Variants in UBE3D observed in about 807,000 individuals in gnomAD.
UBE3D encodes the protein ubiquitin protein ligase E3D.
Under a neutral mutation model 49.6 loss-of-function variants are expected in UBE3D, and 48 were observed. The ratio of observed to expected loss-of-function variants is 0.97; its 90% CI spans 0.77 to 1.23. The LOEUF (loss-of-function observed/expected upper bound fraction) is 1.23, where lower values mean the gene tolerates loss of function less well. UBE3D is among the 50% of genes most tolerant of loss of function. UBE3D has a pLI of 0.00. For missense variants in UBE3D, 452 were observed against 468.4 expected (o/e 0.96, Z 0.32); for synonymous variants, 189 against 174.2 (o/e 1.08, Z -0.67).
chr6:82,991,363 G>C (rs1778871356), intron 8 of UBE3D, among the ~76,000 whole-genome samples: 1 of 152,080 alleles, frequency 6.6e-6, no homozygotes, highest in Non-Finnish European at 1.5e-5. Context: ...CAAGAAGGTG[G>C]TATTATGTTT....
intron 9 of UBE3D, among the ~76,000 whole-genome samples, chr6:82,919,818 G>T (rs1481521302): frequency 6.6e-6 from 1 of 151,930 alleles, no homozygotes; most frequent in Non-Finnish European, 1.5e-5. Context: ...TATTTTCCTG[G>T]ACTGATGGAC....
chr6:82,899,505 T>C (rs2127715697), intron 9 of UBE3D, among the ~76,000 whole-genome samples: 1 of 152,350 alleles, frequency 6.6e-6, no homozygotes, highest in African/African-American at 2.4e-5. Flanking sequence ...ATTTAAAAAG[T>C]TAGGCTGAGC....
chr6:83,011,872 C>A (rs1780360163), intron 8 of UBE3D, among the ~76,000 whole-genome samples: 2 of 152,062 alleles, frequency 1.3e-5, no homozygotes, highest in Non-Finnish European at 2.9e-5. Context: ...CACTTCCACC[C>A]CTCAATTCCT....
At chr6:83,029,028 T>C (rs1469119406) in intron 5 of UBE3D, among the ~76,000 whole-genome samples, 1 of 152,028 alleles carries the variant, frequency 6.6e-6, no homozygotes, top group African/African-American at 2.4e-5. Flanking sequence ...TTTTCTCTTT[T>C]TACTTTAAAG....
intron 8 of UBE3D, among the ~76,000 whole-genome samples, chr6:82,998,998 C>T (rs910436856): frequency 1.3e-5 from 2 of 152,158 alleles, no homozygotes; most frequent in African/African-American, 4.8e-5. Flanking sequence ...CTACCAAGTC[C>T]ACACATTTCT....
In UBE3D at chr6:82,926,641, T is replaced by C. The variant is rs965448180; in HGVS notation, c.1149+30671A>G. ...TATGGCCATTCTAATAGGTGTGTGG[T>C]AGTTTCTCACTGTTGTTTTAATTTG... On this transcript the variant is annotated intron_variant, in intron 9 of 9. Transcript: ENST00000369747. 4.6e-5 allele frequency among the ~76,000 whole-genome samples: 7 copies of C among 152,282 alleles called. No individual in the cohort carries two copies. The East Asian group carries it at 1.3e-3, about 29-fold the overall frequency.
At position 83,028,195 on chromosome 6, in the gene UBE3D, G is replaced by C. The variant is rs556188717; in HGVS notation, c.668-4157C>G. 2.6e-5 allele frequency among the ~76,000 whole-genome samples: 4 copies of C among 152,150 alleles called. No homozygotes were observed. The South Asian group carries it at 8.3e-4, about 32-fold the overall frequency. ...TCATTTTGCTAAATATGCTAAGCATGGTTGTTTTACAGTTTACACACAATT... is the reference window on the plus strand; with the variant it reads ...TCATTTTGCTAAATATGCTAAGCATCGTTGTTTTACAGTTTACACACAATT... On this transcript the variant is annotated intron_variant, in intron 5 of 9. Transcript: ENST00000369747.
chr6:82,984,166 C>T (rs898115422), intron 8 of UBE3D, among the ~76,000 whole-genome samples: 3 of 152,066 alleles, frequency 2.0e-5, no homozygotes, highest in African/African-American at 7.2e-5. Flanking sequence ...ATATTCTTAT[C>T]ATTCTTCAAT....
chr6:83,012,670 C>G (rs902326487), intron 8 of UBE3D, among the ~76,000 whole-genome samples: 1 of 152,214 alleles, frequency 6.6e-6, no homozygotes, highest in Non-Finnish European at 1.5e-5. Flanking sequence ...ATCCACATAC[C>G]TCATCCCCTA....
At chr6:82,926,800 G>A (rs1399242633) in intron 9 of UBE3D, among the ~76,000 whole-genome samples, 4 of 152,028 alleles carry the variant, frequency 2.6e-5, no homozygotes, top group Non-Finnish European at 5.9e-5. Flanking sequence ...CTCCCAGTCT[G>A]TGGCTTTTCT....
Position 83,023,966 on chromosome 6 carries a change from T to C in UBE3D, c.737+3A>G. On this transcript the variant is annotated splice_donor_region_variant and intron_variant, in intron 6 of 9. Coordinates refer to ENST00000369747, the MANE Select transcript of UBE3D (RefSeq NM_198920.3). The stretch of plus-strand genomic sequence containing the variant: ...ATAAATAAATGTAATTTGCTATTTG[T>C]ACCTTGGTATGATAGGAAAACTCCT... The C allele has an allele frequency of 6.7e-7, 1 of 1,498,932 alleles. No individual in the cohort carries two copies. Among genetic ancestry groups the C allele is most frequent in the East Asian group, 2.4e-5 (1 of 41,316 alleles). The allele number at this position is 1,498,932 out of a possible 1,614,324, so 92.9% of individuals were successfully genotyped here.
intron 9 of UBE3D, among the ~76,000 whole-genome samples, chr6:82,912,545 G>A (rs374439875): frequency 6.6e-6 from 1 of 151,520 alleles, no homozygotes; most frequent in African/African-American, 2.4e-5. Context: ...CTCTACTTTC[G>A]ACTTATAACT....
chr6:83,061,805 G>C (rs1028392606), intron 1 of UBE3D, among the ~76,000 whole-genome samples: 2 of 152,094 alleles, frequency 1.3e-5, no homozygotes, highest in Admixed American at 6.5e-5. Flanking sequence ...TATTTTCATG[G>C]AGAGTAGGTT....
intron 8 of UBE3D, among the ~76,000 whole-genome samples, chr6:83,012,112 T>C (rs937595220): frequency 1.3e-5 from 2 of 152,182 alleles, no homozygotes; most frequent in African/African-American, 4.8e-5. Context: ...TGCACTTCTT[T>C]AGCCATAAAG....
At chr6:82,940,455 C>T (rs1200974858) in intron 9 of UBE3D, among the ~76,000 whole-genome samples, 1 of 152,186 alleles carries the variant, frequency 6.6e-6, no homozygotes, top group South Asian at 2.1e-4. Context: ...TATCTTTGCA[C>T]ACTGAGGACA....
At chr6:82,918,495 C>T (rs1416670660) in intron 9 of UBE3D, among the ~76,000 whole-genome samples, 1 of 152,002 alleles carries the variant, frequency 6.6e-6, no homozygotes, top group Non-Finnish European at 1.5e-5. Context: ...AAGTTGAAAA[C>T]TAAACAAAGC....
At chr6:82,931,017 G>A (rs1774103434) in intron 9 of UBE3D, among the ~76,000 whole-genome samples, 1 of 152,178 alleles carries the variant, frequency 6.6e-6, no homozygotes. Flanking sequence ...CAGGCCCAGG[G>A]CTGCCCTGCT....
At chr6:83,065,351 C>A (rs1784423756) in intron 1 of UBE3D, among the ~76,000 whole-genome samples, 1 of 152,186 alleles carries the variant, frequency 6.6e-6, no homozygotes, top group Non-Finnish European at 1.5e-5. Flanking sequence ...TTTTAATGTG[C>A]ATTTGATTCC....
At chr6:82,931,671 C>T (rs1177017653) in intron 9 of UBE3D, among the ~76,000 whole-genome samples, 1 of 152,176 alleles carries the variant, frequency 6.6e-6, no homozygotes, top group African/African-American at 2.4e-5. Context: ...TTTTGGTCAA[C>T]TTCTCTCATT....
Sources: allele counts gnomAD v4.1 joint callset (sites outside exome capture counted in the v4.1 genomes callset), GRCh38; gene constraint gnomAD v4.1.1; transcripts MANE v1.5; gene names NCBI Gene and HGNC (gene_info 2026-07-23, HGNC 2026-07-21).